Variants in SPIDR observed in about 807,000 individuals in gnomAD.
The protein encoded by SPIDR is scaffold protein involved in DNA repair.
In SPIDR, 93 loss-of-function variants were observed where a neutral mutation model predicts 104.6. The ratio of observed to expected loss-of-function variants is 0.89; its 90% CI spans 0.75 to 1.06. SPIDR has a LOEUF of 1.06. Among genes scored for constraint, SPIDR ranks in the 50% least tolerant of loss-of-function variants. The probability of loss-of-function intolerance (pLI) is 0.00; values close to 1 mark genes in which losing one functional copy is unlikely to be tolerated. For missense variants in SPIDR, 1,154 were observed against 1,111.2 expected (o/e 1.04, Z -0.55); for synonymous variants, 431 against 416.9 (o/e 1.03, Z -0.41).
intron 10 of SPIDR, among the ~76,000 whole-genome samples, chr8:47,655,194 C>T (rs953632188): frequency 1.3e-5 from 2 of 152,158 alleles, no homozygotes; most frequent in African/African-American, 2.4e-5. Context: ...CATACATGTG[C>T]ATGTGTCTTT....
chr8:47,554,272 C>A (rs1033154716), intron 8 of SPIDR, among the ~76,000 whole-genome samples: 1 of 152,196 alleles, frequency 6.6e-6, no homozygotes, highest in African/African-American at 2.4e-5. Flanking sequence ...CTACTCTCTT[C>A]AAAGCTGTCA....
intron 10 of SPIDR, among the ~76,000 whole-genome samples, chr8:47,657,331 T>G (rs1433159286): frequency 6.6e-6 from 1 of 152,168 alleles, no homozygotes; most frequent in Non-Finnish European, 1.5e-5. Context: ...ATGATTCAAT[T>G]TTTGTAACAT....
At chr8:47,713,733 G>A in intron 16 of SPIDR, 92 bp downstream of exon 16, 1 of 1,513,332 alleles carries the variant, frequency 6.6e-7, no homozygotes, top group South Asian at 1.2e-5. Flanking sequence ...AGTATTTGTG[G>A]AGCACCCGCT....
intron 14 of SPIDR, among the ~76,000 whole-genome samples, chr8:47,707,371 C>T (rs1275281344): frequency 6.6e-6 from 1 of 152,108 alleles, no homozygotes; most frequent in Non-Finnish European, 1.5e-5. Flanking sequence ...TACTTGCCAT[C>T]CATATGTCCT....
At chr8:47,634,059 C>T in intron 10 of SPIDR, among the ~76,000 whole-genome samples, 1 of 150,874 alleles carries the variant, frequency 6.6e-6, no homozygotes, top group East Asian at 1.9e-4. Context: ...CGTGCCACTG[C>T]ACCCCAGCCT....
chr8:47,303,166 G>C (rs951282198), intron 5 of SPIDR, among the ~76,000 whole-genome samples: 2 of 152,188 alleles, frequency 1.3e-5, no homozygotes, highest in South Asian at 2.1e-4. Context: ...CCCGCAGCCT[G>C]GCTGCTGCCT....
At chr8:47,673,559 G>T (rs201595127) in intron 10 of SPIDR, 3 of 571,794 alleles carry the variant, frequency 5.2e-6, no homozygotes, top group Non-Finnish European at 9.6e-6. Flanking sequence ...ACACCTGCAT[G>T]AACACATACA....
intron 5 of SPIDR, among the ~76,000 whole-genome samples, chr8:47,320,207 T>A (rs563341745): frequency 3.3e-5 from 5 of 152,074 alleles, no homozygotes; most frequent in Non-Finnish European, 7.4e-5. Context: ...CTAGAAAGAT[T>A]ACTAAAAGAG....
At chr8:47,378,289 T>C (rs557732734) in intron 5 of SPIDR, among the ~76,000 whole-genome samples, 5 of 152,250 alleles carry the variant, frequency 3.3e-5, no homozygotes, top group Non-Finnish European at 5.9e-5. Flanking sequence ...TATTAAAGAC[T>C]ATCTTTTCAC....
intron 8 of SPIDR, among the ~76,000 whole-genome samples, chr8:47,502,369 G>A (rs1039007395): frequency 1.3e-5 from 2 of 152,166 alleles, no homozygotes; most frequent in African/African-American, 4.8e-5. Context: ...TTAGTCTTGG[G>A]AGGGTGTATG....
chr8:47,619,051 G>C (rs2635777), intron 10 of SPIDR, among the ~76,000 whole-genome samples: 1 of 152,200 alleles, frequency 6.6e-6, no homozygotes, highest in Admixed American at 6.5e-5. Context: ...AGGAATAGAA[G>C]GGAGAAGTTT....
intron 5 of SPIDR, among the ~76,000 whole-genome samples, chr8:47,387,935 A>G (rs951695892): frequency 2.6e-5 from 4 of 152,094 alleles, no homozygotes; most frequent in Non-Finnish European, 5.9e-5. Flanking sequence ...TCCTCACCCA[A>G]TCCATAGGAT....
At chr8:47,597,274 G>A (rs891493575) in intron 9 of SPIDR, among the ~76,000 whole-genome samples, 1 of 151,982 alleles carries the variant, frequency 6.6e-6, no homozygotes, top group Non-Finnish European at 1.5e-5. Context: ...GTGCAGGTTT[G>A]TTACATATGT....
intron 8 of SPIDR, among the ~76,000 whole-genome samples, chr8:47,563,658 G>A (rs1312053990): frequency 1.3e-5 from 2 of 152,120 alleles, no homozygotes; most frequent in Non-Finnish European, 2.9e-5. Flanking sequence ...AATCTGCAAG[G>A]GTCCAGATCG....
chr8:47,295,343 G>A (rs2154241361), intron 5 of SPIDR, among the ~76,000 whole-genome samples: 1 of 152,154 alleles, frequency 6.6e-6, no homozygotes, highest in East Asian at 1.9e-4. Context: ...TTAAAAAATT[G>A]TAAAATACAA....
At chr8:47,633,377 A>G (rs1416650322) in intron 10 of SPIDR, among the ~76,000 whole-genome samples, 2 of 152,168 alleles carry the variant, frequency 1.3e-5, no homozygotes, top group African/African-American at 2.4e-5. Context: ...GTGGGTAGCC[A>G]GGAAAGGACT....
rs762987427 is a variant in SPIDR, at chr8:47,595,841, C to T, written c.1128C>T (p.Cys376=). The change falls in exon 9 of 20, where the codon TGC becomes TGT. Residue 376 remains cysteine (C), a synonymous_variant. Transcript: ENST00000297423. ...WQKLIIPSGS[C]PVILNTYFCE... ...AACTGATTATTCCAAGTGGAAGTTG[C>T]CCTGTTATTCTGAATACTTACTTTT... The T allele has an allele frequency of 9.3e-6, 15 of 1,613,924 alleles. No homozygotes were observed. The highest frequency in any genetic ancestry group is 1.1e-5 in the Non-Finnish European group (13 of 1,180,018).
chr8:47,302,455 A>G (rs2042269041), intron 5 of SPIDR, among the ~76,000 whole-genome samples: 1 of 151,860 alleles, frequency 6.6e-6, no homozygotes, highest in Non-Finnish European at 1.5e-5. Flanking sequence ...CGTCAAAGTC[A>G]CTCTCCGTCC....
intron 8 of SPIDR, among the ~76,000 whole-genome samples, chr8:47,578,429 G>A (rs1480047123): frequency 7.9e-5 from 12 of 152,080 alleles, no homozygotes; most frequent in African/African-American, 1.7e-4. Flanking sequence ...CAGAGATGGC[G>A]CCATTGCACT....
Sources: gnomAD v4.1 joint callset for allele counts (sites outside exome capture counted in the v4.1 genomes callset) on GRCh38, gnomAD v4.1.1 for gene constraint, MANE v1.5 for transcripts, NCBI Gene and HGNC (gene_info 2026-07-23, HGNC 2026-07-21) for gene names.